ENTR1: variants seen among roughly 807,000 people sequenced by gnomAD.
The protein encoded by ENTR1 is endosome-associated-trafficking regulator 1.
ENTR1 carries 47 observed loss-of-function variants against 47.9 expected under a neutral mutation model. The observed-to-expected ratio is 0.98, with a 90% CI of 0.78 to 1.25. The LOEUF is 1.25. Among genes scored for constraint, ENTR1 ranks in the 50% most tolerant of loss-of-function variants. The pLI, the probability that ENTR1 is intolerant of heterozygous loss-of-function variation, is 0.00. For missense variants in ENTR1, 668 were observed against 570.5 expected, an observed-to-expected ratio of 1.17 and a Z score of -1.74; for synonymous variants, 290 against 245.8, an observed-to-expected ratio of 1.18 and a Z score of -1.68.
chr9:136,405,131 G>A lies in ENTR1; in HGVS notation c.965C>T (p.Ser322Leu), dbSNP rs760747717. 1.8e-5 allele frequency: 29 copies of A among 1,613,742 alleles called. No individual in the cohort carries two copies. The highest frequency in any genetic ancestry group is 3.3e-4 in the Middle Eastern group (2 of 6,060). The change falls in exon 7 of 10, where the codon TCG (serine) becomes TTG (leucine). Residue 322 changes from serine (S) to leucine (L), a missense_variant. Physicochemically the swap from Ser to Leu is moderately radical, Grantham distance 145. Coordinates refer to ENST00000357365, the MANE Select transcript of ENTR1 (RefSeq NM_001039707.2). Reference protein sequence around the residue: ...KEESDYHDLESVVQQVEQNLE... With the variant: ...KEESDYHDLELVVQQVEQNLE... ...GTTCTGCTCCACCTGCTGAACCACC[G>A]ACTCCAGGTCGTGGTAGTCGCTTTC...
intron 2 of ENTR1, 61 bp downstream of exon 2, chr9:136,410,029 A>T: frequency 1.3e-6 from 2 of 1,576,048 alleles, no homozygotes; most frequent in Non-Finnish European, 1.7e-6. Context: ...GCTGCAGCGG[A>T]GGTGCCACAC....
chr9:136,406,892 A>G, intron 5 of ENTR1: 1 of 398,554 alleles, frequency 2.5e-6, no homozygotes, highest in South Asian at 7.6e-5. Flanking sequence ...GCCTTTACTG[A>G]GGGTACAGCC....
chr9:136,408,439 G>A (rs1452966118), intron 3 of ENTR1, among the ~76,000 whole-genome samples: 6 of 152,024 alleles, frequency 3.9e-5, no homozygotes, highest in Non-Finnish European at 7.4e-5. Flanking sequence ...TTAGCCAGGC[G>A]TGGTGGTGAG....
intron 6 of ENTR1, 89 bp from the exon 7 acceptor site, chr9:136,405,291 C>T: frequency 3.9e-6 from 4 of 1,038,120 alleles, no homozygotes; most frequent in Non-Finnish European, 5.9e-6. Flanking sequence ...ATAAAACCCG[C>T]TAAGAGCCTG....
rs1203227083 is a variant in ENTR1, at chr9:136,404,666, C to T, written c.1033G>A (p.Val345Ile). 13 of 1,614,134 alleles carry T rather than the reference C, an allele frequency of 8.1e-6. No homozygotes were observed. Among genetic ancestry groups the T allele is most frequent in the East Asian group, 2.2e-5 (1 of 44,882 alleles). ...TKRAVKAENH[V>I]VKLKQEISLL... ...CTGATTTCCTGTTTTAGTTTCACGA[C>T]GTGGTTTTCTGCCTTTACAGCCCGT... The change falls in exon 8 of 10, where the codon GTC becomes ATC. Residue 345 changes from valine to isoleucine, a missense_variant. By Grantham distance (29) the Val-to-Ile change is conservative (BLOSUM62 3). Transcript: ENST00000357365.
chr9:136,405,710 C>T (rs993736508), intron 6 of ENTR1, among the ~76,000 whole-genome samples, 195 bp downstream of exon 6: 1 of 152,192 alleles, frequency 6.6e-6, no homozygotes, highest in Non-Finnish European at 1.5e-5. Flanking sequence ...CCACTGCACC[C>T]GAGCCTGGGT....
At position 136,410,479 on chromosome 9, in the gene ENTR1, G is replaced by GCGTCGCCCGCCCCCGTCGCCCGCCCC. The variant is rs1185685667; in HGVS notation, c.-108_-83dup. ...CCCGGCTCCGCCCGTGCCGCGGCCC[G>GCGTCGCCCGCCCCCGTCGCCCGCCCC]CGTCGCCCGCCCCCGTCGCCCGCCC... On this transcript the variant is annotated 5_prime_UTR_variant, in exon 1 of 10. Coordinates refer to ENST00000357365, the MANE Select transcript of ENTR1 (RefSeq NM_001039707.2). 2 of 975,980 alleles carry GCGTCGCCCGCCCCCGTCGCCCGCCCC rather than the reference G, an allele frequency of 2.0e-6. No homozygotes were observed. The highest frequency in any genetic ancestry group is 8.3e-5 in the East Asian group (1 of 12,098). The allele number at this position is 975,980 out of a possible 1,614,324, so 60.5% of individuals were successfully genotyped here.
At chr9:136,403,908 G>A (rs1834630574) in intron 9 of ENTR1, 147 bp downstream of exon 9, 2 of 922,518 alleles carry the variant, frequency 2.2e-6, no homozygotes, top group Non-Finnish European at 1.6e-6. Flanking sequence ...AGAGCTAACA[G>A]GACCACTGAG....
At chr9:136,403,405 G>C (rs571701856) in intron 9 of ENTR1, among the ~76,000 whole-genome samples, 1 of 101,126 alleles carries the variant, frequency 9.9e-6, no homozygotes, top group African/African-American at 3.5e-5. Flanking sequence ...GGAGCAAGGG[G>C]TGGGGTTTGC....
chr9:136,407,147 C>T lies in ENTR1; in HGVS notation c.817G>A (p.Ala273Thr), dbSNP rs368016140. Residue 273 changes from alanine to threonine, a missense_variant and splice_region_variant, in exon 5 of 10, where the codon GCA (alanine) becomes ACA (threonine). Physicochemically the swap from Ala to Thr is moderately conservative, Grantham distance 58. Coordinates refer to ENST00000357365, the MANE Select transcript of ENTR1 (RefSeq NM_001039707.2). ...HLRTLQISYDALKDENSKLRR... is the reference protein window; with the variant it reads ...HLRTLQISYDTLKDENSKLRR... ...AGGGCGCCGTGAGGCTCACTTACTG[C>T]GTCGTAACTTATCTGCAGCGTCCGC... The T allele has an allele frequency of 3.0e-5, 47 of 1,588,136 alleles. No homozygotes were observed. The highest frequency in any genetic ancestry group is 3.8e-5 in the Non-Finnish European group (44 of 1,163,030).
Position 136,405,890 on chromosome 9 carries a change from T to C in ENTR1, c.893+15A>G. 1 of 1,545,286 alleles carries C rather than the reference T, an allele frequency of 6.5e-7. No homozygotes were observed. Among genetic ancestry groups the C allele is most frequent in the South Asian group, 1.2e-5 (1 of 84,530 alleles). On this transcript the variant is annotated intron_variant, in intron 6 of 9. Transcript: ENST00000357365. ...AGATGTTGTGGATTGCATTCCTAAC[T>C]AAAAGCTTACATACATTTCTGTTTG...
chr9:136,407,672 G>A (rs777004554), intron 4 of ENTR1, 111 bp from the exon 5 acceptor site: 33 of 1,447,088 alleles, frequency 2.3e-5, no homozygotes, highest in East Asian at 1.2e-4. Flanking sequence ...TCTCTCTACC[G>A]GAAGGAGCCC....
chr9:136,405,440 G>A, intron 6 of ENTR1: 1 of 503,790 alleles, frequency 2.0e-6, no homozygotes, highest in Non-Finnish European at 3.6e-6. Flanking sequence ...TTTGCCTAAA[G>A]TTTAAAATAA....
chr9:136,404,284 G>A lies in ENTR1; in HGVS notation c.1069-90C>T, dbSNP rs1834654763. 4.6e-6 allele frequency: 7 copies of A among 1,510,954 alleles called. No homozygotes were observed. In the South Asian group the frequency reaches 5.2e-5, roughly 11 times the overall value. 93.6% of individuals were successfully genotyped at this position (1,510,954 alleles called of 1,614,324 possible). A position where few individuals can be genotyped will look rare whatever the true frequency, so the allele number is the denominator to read the frequency against. On this transcript the variant is annotated intron_variant, in intron 8 of 9. Transcript: ENST00000357365. The stretch of plus-strand genomic sequence containing the variant: ...TGGCGAGGCGAGGGCTTACCCGTGG[G>A]GGCCTGGCACTCAAGATGCATGCTC...
chr9:136,403,279 GA>G (rs1834580819), intron 9 of ENTR1, among the ~76,000 whole-genome samples: 1 of 137,538 alleles, frequency 7.3e-6, no homozygotes, highest in Admixed American at 7.0e-5. Context: ...ATTCTGGGGG[GA>G]GAAACAGAAG....
rs779018005 is a variant in ENTR1 at position 136,410,246 on chromosome 9, G to A, written c.71-7C>T. ...CGCTCATAGAACGCTGGAGCTGGAA[G>A]CAACGACAACAGCGACTTTACTGCG... On this transcript the variant is annotated splice_polypyrimidine_tract_variant and splice_region_variant and intron_variant, in intron 1 of 9. Transcript: ENST00000357365. 7.0e-6 allele frequency: 11 copies of A among 1,568,156 alleles called. No homozygotes were observed. Among genetic ancestry groups the A allele is most frequent in the Middle Eastern group, 3.3e-4 (2 of 6,032 alleles).
intron 1 of ENTR1, 38 bp from the exon 2 acceptor site, chr9:136,410,277 G>C: frequency 6.4e-7 from 1 of 1,553,084 alleles, no homozygotes. Context: ...CTGCGTGCCG[G>C]GGCGGCCGCC....
At chr9:136,407,584 A>C (rs1834840916) in intron 4 of ENTR1, 23 bp from the exon 5 acceptor site, 3 of 1,514,988 alleles carry the variant, frequency 2.0e-6, no homozygotes, top group East Asian at 2.3e-5. Context: ...AAAAAAAAAA[A>C]ACAATGGAGG....
At position 136,410,421 on chromosome 9, in the gene ENTR1, A is replaced by C; in HGVS notation, c.-24T>G. On this transcript the variant is annotated 5_prime_UTR_variant, in exon 1 of 10. Coordinates refer to ENST00000357365, the MANE Select transcript of ENTR1 (RefSeq NM_001039707.2). ...ATCGCCGCCGGCCCGGCGGGGCACG[A>C]CCTGCCTAGCCCGGCAGCGGCGGCT... is the stretch of plus-strand genomic sequence containing the variant. The C allele has an allele frequency of 7.6e-7, 1 of 1,319,358 alleles. No individual in the cohort carries two copies. 81.7% of individuals were successfully genotyped at this position (1,319,358 alleles called of 1,614,324 possible).
Sources: allele counts gnomAD v4.1 joint callset (sites outside exome capture counted in the v4.1 genomes callset), GRCh38; gene constraint gnomAD v4.1.1; transcripts MANE v1.5; gene names NCBI Gene and HGNC (gene_info 2026-07-23, HGNC 2026-07-21).